Variants in PABIR3 observed in about 807,000 individuals in gnomAD.
PABIR3 encodes PABIR family member 1.
A neutral mutation model predicts 23.1 loss-of-function variants in PABIR3; 20 were observed. That is an observed-to-expected ratio of 0.86 (90% CI 0.61 to 1.26). The LOEUF is 1.26. PABIR3 is among the 50% of genes most tolerant of loss of function. The pLI is 0.00. For missense variants in PABIR3, 189 were observed against 195.4 expected, an observed-to-expected ratio of 0.97 and a Z score of 0.20; for synonymous variants, 69 against 68.5, an observed-to-expected ratio of 1.01 and a Z score of -0.04.
intron 3 of PABIR3, among the ~76,000 whole-genome samples, chrX:134,815,644 C>T (rs1172972262): frequency 9.1e-6 from 1 of 110,426 alleles, no homozygotes; most frequent in Non-Finnish European, 1.9e-5. Flanking sequence ...TGTCCTTCTA[C>T]TCCTACTTGC....
chrX:134,845,177 G>T, intron 4 of PABIR3, 28 bp from the exon 5 acceptor site: 1 of 1,153,014 alleles, frequency 8.7e-7, no homozygotes, highest in Non-Finnish European at 1.2e-6. Context: ...TGGGTATTCA[G>T]TTTATTCTCA....
At chrX:134,807,066 T>A (rs1360067991), upstream of PABIR3, 4 of 535,807 alleles carry the variant, frequency 7.5e-6, no homozygotes, top group African/African-American at 1.0e-4. Context: ...GGGCAGGACA[T>A]GGGGATAAAG....
chrX:134,855,583 C>T (rs2082745619), downstream of PABIR3, among the ~76,000 whole-genome samples: 1 of 111,505 alleles, frequency 9.0e-6, no homozygotes, highest in Admixed American at 9.6e-5. Flanking sequence ...ATCTCAAATA[C>T]GTATAAAAGA....
At chrX:134,826,098 C>T (rs1355749591) in intron 3 of PABIR3, among the ~76,000 whole-genome samples, 1 of 110,973 alleles carries the variant, frequency 9.0e-6, no homozygotes. Flanking sequence ...CTGCTCTTCT[C>T]CTATGTATAA....
At chrX:134,856,178 C>G (rs1293603027), downstream of PABIR3, among the ~76,000 whole-genome samples, 1 of 99,746 alleles carries the variant, frequency 1.0e-5, no homozygotes, top group African/African-American at 3.6e-5. Flanking sequence ...TCCTTTCCCT[C>G]TATTCAGTTA....
upstream of PABIR3, chrX:134,807,056 G>C (rs1056111602): frequency 8.9e-6 from 4 of 448,889 alleles, no homozygotes; most frequent in African/African-American, 1.1e-4. Flanking sequence ...AGAGGAAGGA[G>C]GGCAGGACAT....
Position 134,854,068 on chromosome X carries a change from T to C in PABIR3, c.687-23T>C, listed in dbSNP as rs767288906. On this transcript the variant is annotated intron_variant, in intron 10 of 10. Transcript: ENST00000645433. ...GAGATCTCTTGAGTTCTGCTATCAATGAGTGGCATTTTCTTCTTCTAGTCT... is the reference window on the plus strand; with the variant it reads ...GAGATCTCTTGAGTTCTGCTATCAACGAGTGGCATTTTCTTCTTCTAGTCT... The C allele has an allele frequency of 4.1e-6, 5 of 1,208,421 alleles. No individual in the cohort carries two copies. The South Asian group carries it at 8.9e-5, about 21-fold the overall frequency.
At chrX:134,864,332 G>A in the PABIR3 span, among the ~76,000 whole-genome samples, 1 of 111,385 alleles carries the variant, frequency 9.0e-6, no homozygotes, top group Non-Finnish European at 1.9e-5. Flanking sequence ...GCCTTATGCA[G>A]CTTTTAAAAT....
intron 8 of PABIR3, among the ~76,000 whole-genome samples, chrX:134,848,678 G>C (rs939768950): frequency 9.0e-6 from 1 of 111,562 alleles, no homozygotes; most frequent in East Asian, 2.8e-4. Flanking sequence ...TGCTCCTAAG[G>C]CATTCCAGTT....
At chrX:134,853,063 T>G (rs965627313) in intron 10 of PABIR3, among the ~76,000 whole-genome samples, 167 bp downstream of exon 10, 2 of 111,164 alleles carry the variant, frequency 1.8e-5, no homozygotes, top group African/African-American at 6.5e-5. Flanking sequence ...TTATTTTATT[T>G]TCTTTTTTTT....
intron 3 of PABIR3, among the ~76,000 whole-genome samples, chrX:134,826,732 A>G (rs933134188): frequency 9.0e-6 from 1 of 111,468 alleles, no homozygotes; most frequent in African/African-American, 3.3e-5. Context: ...TTACCCACAT[A>G]CCAATTTTCT....
chrX:134,843,528 A>G (rs1325723836), intron 4 of PABIR3, among the ~76,000 whole-genome samples: 3 of 107,329 alleles, frequency 2.8e-5, no homozygotes, highest in Admixed American at 1.0e-4. Context: ...ACTGTTGAAA[A>G]CCATTTGATC....
At chrX:134,803,262 C>A (rs2080111615), upstream of PABIR3, among the ~76,000 whole-genome samples, 1 of 111,628 alleles carries the variant, frequency 9.0e-6, no homozygotes, top group African/African-American at 3.3e-5. Flanking sequence ...GCTGGGGCCA[C>A]ATGTGGAAGG....
intron 3 of PABIR3, chrX:134,821,598 A>G: frequency 8.8e-7 from 1 of 1,138,329 alleles, no homozygotes; most frequent in East Asian, 3.4e-5. Context: ...TTCTTGAGCA[A>G]TTCATCTGTT....
downstream of PABIR3, among the ~76,000 whole-genome samples, chrX:134,857,695 T>TC (rs1237216704): frequency 9.0e-6 from 1 of 111,422 alleles, no homozygotes; most frequent in African/African-American, 3.3e-5. Flanking sequence ...TTCAATCAAG[T>TC]ATTCCTATTT....
rs376116461 is a variant in PABIR3, at chrX:134,829,324, G to A, written c.246+42G>A. 282 of 1,075,122 alleles carry A rather than the reference G, an allele frequency of 2.6e-4. 1 individual carries two copies. The East Asian group carries it at 7.4e-3, about 28-fold the overall frequency. 88.6% of individuals were successfully genotyped at this position (1,075,122 alleles called of 1,213,427 possible). ...AACTGACAGCTGTTCATTTAAAAAAGTAAATTTTATTTTTCTTTGTGAAAA... is the reference window on the plus strand; with the variant it reads ...AACTGACAGCTGTTCATTTAAAAAAATAAATTTTATTTTTCTTTGTGAAAA... On this transcript the variant is annotated intron_variant, in intron 4 of 10. Transcript: ENST00000645433.
At chrX:134,850,246 T>C (rs2082585559) in intron 9 of PABIR3, among the ~76,000 whole-genome samples, 1 of 110,521 alleles carries the variant, frequency 9.0e-6, no homozygotes, top group African/African-American at 3.3e-5. Flanking sequence ...ATGTGTATTG[T>C]GAAAAATCTA....
chrX:134,807,451 G>T, intron 1 of PABIR3, 89 bp from the exon 2 acceptor site: 1 of 1,098,139 alleles, frequency 9.1e-7, no homozygotes, highest in South Asian at 2.6e-5. Flanking sequence ...GGGCTGCAAA[G>T]GTGGGCACCC....
chrX:134,860,771 C>T, the PABIR3 span, among the ~76,000 whole-genome samples: 1 of 111,840 alleles, frequency 8.9e-6, no homozygotes, highest in Non-Finnish European at 1.9e-5. Context: ...GGAATGAAGT[C>T]TTGACACATG....
Sources: allele counts gnomAD v4.1 joint callset (sites outside exome capture counted in the v4.1 genomes callset), GRCh38; gene constraint gnomAD v4.1.1; transcripts MANE v1.5; gene names NCBI Gene and HGNC (gene_info 2026-07-23, HGNC 2026-07-21).